Variants in CTNNA3 observed in about 807,000 individuals in gnomAD.
CTNNA3 encodes the protein catenin alpha 3.
Under a neutral mutation model 95.7 loss-of-function variants are expected in CTNNA3, and 76 were observed. That is an observed-to-expected ratio of 0.79 (90% CI 0.66 to 0.96). CTNNA3 has a LOEUF of 0.96. Among genes scored for constraint, CTNNA3 ranks in the 40% least tolerant of loss-of-function variants. The probability of loss-of-function intolerance (pLI) is 0.00; values close to 1 mark genes in which losing one functional copy is unlikely to be tolerated. For missense variants in CTNNA3, 1,191 were observed against 1,089.8 expected, an observed-to-expected ratio of 1.09 and a Z score of -1.31; for synonymous variants, 431 against 374.4, an observed-to-expected ratio of 1.15 and a Z score of -1.74.
intron 9 of CTNNA3, among the ~76,000 whole-genome samples, chr10:66,692,353 A>G (rs1179150018): frequency 1.3e-5 from 2 of 152,228 alleles, no homozygotes; most frequent in African/African-American, 4.8e-5. Flanking sequence ...ACTGGAAGAA[A>G]GGGTATCAGC....
chr10:66,172,247 TAG>T (rs924560646), intron 13 of CTNNA3, among the ~76,000 whole-genome samples: 22 of 152,308 alleles, frequency 1.4e-4, no homozygotes, highest in African/African-American at 3.4e-4. Context: ...ATTAAAAATA[TAG>T]AGTTTCTATA....
chr10:67,732,542 TTCTG>T (rs1271635148), intron 1 of CTNNA3, among the ~76,000 whole-genome samples: 2 of 152,218 alleles, frequency 1.3e-5, no homozygotes, highest in Non-Finnish European at 2.9e-5. Flanking sequence ...TAAAAATGCA[TTCTG>T]TCTTAGGACA....
intron 13 of CTNNA3, among the ~76,000 whole-genome samples, chr10:66,112,627 C>T (rs1386709075): frequency 6.6e-6 from 1 of 152,070 alleles, no homozygotes; most frequent in African/African-American, 2.4e-5. Context: ...AGCAACTCCT[C>T]ATTTCCCCTC....
At chr10:67,343,050 T>C (rs1842275812) in intron 5 of CTNNA3, among the ~76,000 whole-genome samples, 1 of 152,190 alleles carries the variant, frequency 6.6e-6, no homozygotes, top group African/African-American at 2.4e-5. Flanking sequence ...CCTCCCACGT[T>C]CAAGCAATTC....
At chr10:66,990,838 A>C (rs1851000618) in intron 7 of CTNNA3, among the ~76,000 whole-genome samples, 1 of 152,194 alleles carries the variant, frequency 6.6e-6, no homozygotes, top group East Asian at 1.9e-4. Context: ...AGGAAGTAAA[A>C]TTTCACTAGT....
intron 13 of CTNNA3, among the ~76,000 whole-genome samples, chr10:66,108,276 T>C (rs1293623000): frequency 6.6e-6 from 1 of 152,152 alleles, no homozygotes; most frequent in Admixed American, 6.6e-5. Context: ...CCCCACACCT[T>C]TGACCATGAG....
At chr10:67,237,031 C>T (rs1865494999) in intron 5 of CTNNA3, among the ~76,000 whole-genome samples, 1 of 149,834 alleles carries the variant, frequency 6.7e-6, no homozygotes, top group Non-Finnish European at 1.5e-5. Context: ...TACTTACACA[C>T]ATATGTTTAC....
chr10:66,314,660 T>C (rs1187132931), intron 12 of CTNNA3, among the ~76,000 whole-genome samples: 1 of 152,098 alleles, frequency 6.6e-6, no homozygotes, highest in Non-Finnish European at 1.5e-5. Context: ...ATTTGAGATA[T>C]TATTGGTTGA....
chr10:66,660,335 G>T (rs28548809), intron 9 of CTNNA3, among the ~76,000 whole-genome samples: 7,170 of 152,198 alleles, frequency 0.047, 201 homozygotes, highest in Middle Eastern at 0.092. Context: ...TAACTCACTG[G>T]TTTTTGATCC....
intron 11 of CTNNA3, among the ~76,000 whole-genome samples, chr10:66,495,123 A>G (rs951887809): frequency 2.6e-5 from 4 of 152,186 alleles, no homozygotes; most frequent in African/African-American, 4.8e-5. Context: ...AAATGTATCT[A>G]TTTATCAGTA....
At chr10:66,249,624 C>G (rs1293705927) in intron 13 of CTNNA3, among the ~76,000 whole-genome samples, 1 of 152,040 alleles carries the variant, frequency 6.6e-6, no homozygotes, top group Non-Finnish European at 1.5e-5. Flanking sequence ...AAAAGACAAG[C>G]AATAACAAAT....
At chr10:67,326,956 C>A (rs1379090461) in intron 5 of CTNNA3, among the ~76,000 whole-genome samples, 1 of 152,024 alleles carries the variant, frequency 6.6e-6, no homozygotes, top group East Asian at 1.9e-4. Context: ...GTCTGAATGT[C>A]TTATTTCAGA....
intron 14 of CTNNA3, chr10:66,079,259 A>T (rs563558105): frequency 6.6e-6 from 1 of 152,092 alleles, no homozygotes; most frequent in Admixed American, 6.6e-5. Context: ...GCTCTCAAAC[A>T]GTTTAAAAGA....
At chr10:67,361,430 G>C (rs371602152) in intron 5 of CTNNA3, among the ~76,000 whole-genome samples, 1 of 151,884 alleles carries the variant, frequency 6.6e-6, no homozygotes, top group Non-Finnish European at 1.5e-5. Context: ...CCATACTCTT[G>C]GACCACAATG....
At chr10:65,981,081 T>C (rs768439914) in intron 16 of CTNNA3, among the ~76,000 whole-genome samples, 44 of 152,064 alleles carry the variant, frequency 2.9e-4, no homozygotes, top group African/African-American at 9.4e-4. Context: ...TATGATCATA[T>C]ATCCAGAAAA....
chr10:67,738,381 A>G (rs1344858011), intron 1 of CTNNA3, among the ~76,000 whole-genome samples: 7 of 152,212 alleles, frequency 4.6e-5, no homozygotes, highest in Admixed American at 3.9e-4. Flanking sequence ...AAAAACTAAC[A>G]AACAGAAAGG....
intron 5 of CTNNA3, among the ~76,000 whole-genome samples, chr10:67,440,131 T>C (rs993035047): frequency 6.6e-6 from 1 of 152,160 alleles, no homozygotes; most frequent in Non-Finnish European, 1.5e-5. Flanking sequence ...CTTCCAGGCC[T>C]GGCAGCGTTC....
chr10:67,548,381 C>T (rs1840911619), intron 3 of CTNNA3, among the ~76,000 whole-genome samples: 1 of 152,074 alleles, frequency 6.6e-6, no homozygotes, highest in Admixed American at 6.6e-5. Context: ...TCCTTTATAG[C>T]AATGCAAAAA....
chr10:66,649,421 G>T (rs951575384), intron 9 of CTNNA3, among the ~76,000 whole-genome samples: 3 of 152,088 alleles, frequency 2.0e-5, no homozygotes, highest in African/African-American at 4.8e-5. Context: ...CACTGATAAA[G>T]GTAAGAAGGA....
Sources: gnomAD v4.1 joint callset for allele counts (sites outside exome capture counted in the v4.1 genomes callset) on GRCh38, gnomAD v4.1.1 for gene constraint, MANE v1.5 for transcripts, NCBI Gene and HGNC (gene_info 2026-07-23, HGNC 2026-07-21) for gene names.